EDIL3: variants seen among roughly 807,000 people sequenced by gnomAD.
EDIL3 encodes EGF like and discoidin domains 3.
Under a neutral mutation model 67.4 loss-of-function variants are expected in EDIL3, and 37 were observed. That is an observed-to-expected ratio of 0.55 (90% confidence interval 0.42 to 0.72). EDIL3 has a LOEUF of 0.72. Ranked by LOEUF, EDIL3 falls within the 30% of genes least tolerant of loss-of-function variation. The pLI is 0.00. For synonymous variants in EDIL3, 195 were observed against 196.3 expected, an observed-to-expected ratio of 0.99 and a Z score of 0.05; for missense variants, 527 against 586.3, an observed-to-expected ratio of 0.90 and a Z score of 1.04.
At chr5:84,317,189 CAATT>C (rs1041262410) in intron 1 of EDIL3, among the ~76,000 whole-genome samples, 18 of 152,046 alleles carry the variant, frequency 1.2e-4, no homozygotes, top group African/African-American at 3.9e-4. Flanking sequence ...CCTAAAATCA[CAATT>C]AAAAGAACTA....
chr5:83,948,401 T>C (rs989587483), intron 10 of EDIL3, among the ~76,000 whole-genome samples: 1 of 151,706 alleles, frequency 6.6e-6, no homozygotes, highest in African/African-American at 2.4e-5. Context: ...ACGCTTTAAG[T>C]GATGTAAAGT....
At chr5:84,285,320 A>C (rs1745788512) in intron 1 of EDIL3, among the ~76,000 whole-genome samples, 1 of 152,224 alleles carries the variant, frequency 6.6e-6, no homozygotes, top group Non-Finnish European at 1.5e-5. Context: ...TCCATATTAC[A>C]TATGTTTGTG....
chr5:84,009,849 C>T (rs369607628), intron 9 of EDIL3, among the ~76,000 whole-genome samples: 10 of 152,148 alleles, frequency 6.6e-5, no homozygotes, highest in African/African-American at 7.2e-5. Flanking sequence ...TCATATACTA[C>T]GCACAATTCT....
intron 6 of EDIL3, among the ~76,000 whole-genome samples, chr5:84,074,129 A>G (rs1316081749): frequency 6.6e-6 from 1 of 151,882 alleles, no homozygotes; most frequent in African/African-American, 2.4e-5. Flanking sequence ...TGGTGCTGGG[A>G]AAACTGGCTA....
chr5:84,214,563 C>A (rs1202361681), intron 3 of EDIL3, among the ~76,000 whole-genome samples: 2 of 152,022 alleles, frequency 1.3e-5, no homozygotes, highest in African/African-American at 4.8e-5. Flanking sequence ...AGATGTGAAA[C>A]CTGTGGACAA....
intron 9 of EDIL3, among the ~76,000 whole-genome samples, chr5:83,984,243 A>T (rs1283172949): frequency 1.3e-5 from 2 of 152,084 alleles, no homozygotes; most frequent in African/African-American, 2.4e-5. Context: ...TATGTGTAAA[A>T]TAGAATACAG....
At chr5:84,130,486 AG>A (rs1747945126) in intron 5 of EDIL3, among the ~76,000 whole-genome samples, 1 of 152,184 alleles carries the variant, frequency 6.6e-6, no homozygotes, top group Non-Finnish European at 1.5e-5. Context: ...AGACTTAGGC[AG>A]TTTTCTTGTA....
chr5:84,361,958 A>C (rs1020833963), intron 1 of EDIL3, among the ~76,000 whole-genome samples: 2 of 151,802 alleles, frequency 1.3e-5, no homozygotes, highest in African/African-American at 4.8e-5. Context: ...TTGACTACAC[A>C]TGAGTTTTCT....
At chr5:84,346,857 C>T (rs1004755040) in intron 1 of EDIL3, among the ~76,000 whole-genome samples, 1 of 152,182 alleles carries the variant, frequency 6.6e-6, no homozygotes, top group African/African-American at 2.4e-5. Context: ...ATGTCCAACA[C>T]AGAACCAAGA....
intron 6 of EDIL3, among the ~76,000 whole-genome samples, chr5:84,103,846 G>T (rs1747411611): frequency 6.6e-6 from 1 of 151,900 alleles, no homozygotes; most frequent in Non-Finnish European, 1.5e-5. Context: ...CTAACATTCA[G>T]CCCAGCCACA....
chr5:84,229,915 TG>T, intron 2 of EDIL3, 31 bp from the exon 3 acceptor site: 2 of 1,555,604 alleles, frequency 1.3e-6, no homozygotes, highest in South Asian at 1.2e-5. Context: ...GAAATGGGGG[TG>T]GGGTAGAAGT....
chr5:84,282,857 T>C (rs1421012912), intron 1 of EDIL3, among the ~76,000 whole-genome samples: 1 of 152,168 alleles, frequency 6.6e-6, no homozygotes, highest in Non-Finnish European at 1.5e-5. Flanking sequence ...GAAGGTGAAA[T>C]ATGTAGTTAA....
chr5:84,033,273 A>C (rs1745959969), intron 9 of EDIL3, among the ~76,000 whole-genome samples: 1 of 152,234 alleles, frequency 6.6e-6, no homozygotes, highest in East Asian at 1.9e-4. Flanking sequence ...TCAAGAAAAT[A>C]ACTTTACACA....
At chr5:83,949,894 C>A (rs1216267469) in intron 10 of EDIL3, among the ~76,000 whole-genome samples, 1 of 151,806 alleles carries the variant, frequency 6.6e-6, no homozygotes, top group Admixed American at 6.6e-5. Context: ...TGGGCCACAC[C>A]AGATAGCCTA....
chr5:84,384,512 T>G lies in EDIL3; in HGVS notation c.-138A>C. ...GAAGACGTTCTCTTTCCTCAGCGCT[T>G]TGTTAAACAAATTCTTGGAGAGGGC... On this transcript the variant is annotated 5_prime_UTR_variant, in exon 1 of 11. Coordinates refer to ENST00000296591, the MANE Select transcript of EDIL3 (RefSeq NM_005711.5). 5 of 762,352 alleles carry G rather than the reference T, an allele frequency of 6.6e-6. No individual in the cohort carries two copies. The highest frequency in any genetic ancestry group is 2.7e-5 in the Admixed American group (1 of 36,982). The allele number at this position is 762,352 out of a possible 1,614,324, so 47.2% of individuals were successfully genotyped here. A position where few individuals can be genotyped will look rare whatever the true frequency, so the allele number is the denominator to read the frequency against.
At chr5:84,260,331 G>A (rs1745203908) in intron 1 of EDIL3, among the ~76,000 whole-genome samples, 1 of 152,142 alleles carries the variant, frequency 6.6e-6, no homozygotes, top group African/African-American at 2.4e-5. Flanking sequence ...TCTAGGCACA[G>A]GGAACAGGAA....
At chr5:84,381,819 A>G (rs1441701488) in intron 1 of EDIL3, among the ~76,000 whole-genome samples, 1 of 152,238 alleles carries the variant, frequency 6.6e-6, no homozygotes, top group African/African-American at 2.4e-5. Context: ...AAAATATTCA[A>G]TCTGACTGAT....
chr5:84,029,384 T>G (rs889491466), intron 9 of EDIL3, among the ~76,000 whole-genome samples: 1 of 152,166 alleles, frequency 6.6e-6, no homozygotes, highest in African/African-American at 2.4e-5. Context: ...TTGTGAGGCC[T>G]CCCCAGCCAT....
chr5:84,295,134 G>C (rs1746020328), intron 1 of EDIL3, among the ~76,000 whole-genome samples: 1 of 151,988 alleles, frequency 6.6e-6, no homozygotes, highest in Admixed American at 6.6e-5. Flanking sequence ...AAAAATTTTA[G>C]TACTTTTTTC....
Sources: gnomAD v4.1 joint callset for allele counts (sites outside exome capture counted in the v4.1 genomes callset) on GRCh38, gnomAD v4.1.1 for gene constraint, MANE v1.5 for transcripts, NCBI Gene and HGNC (gene_info 2026-07-23, HGNC 2026-07-21) for gene names.